WASF1: variants seen among roughly 807,000 people sequenced by gnomAD.
WASF1 encodes the protein WASP family member 1.
Under a neutral mutation model 50.5 loss-of-function variants are expected in WASF1, and 7 were observed. That is an observed-to-expected ratio of 0.14 (90% CI 0.08 to 0.26). WASF1 has a LOEUF of 0.26. WASF1 is among the 10% of genes least tolerant of loss of function. The pLI, the probability that WASF1 is intolerant of heterozygous loss-of-function variation, is 1.00. For synonymous variants in WASF1, 205 were observed against 244.0 expected (o/e 0.84, Z 1.49); for missense variants, 470 against 694.7 (o/e 0.68, Z 3.64).
At chr6:110,129,396 G>T (rs1462782232) in intron 3 of WASF1, among the ~76,000 whole-genome samples, 3 of 152,184 alleles carry the variant, frequency 2.0e-5, no homozygotes, top group Non-Finnish European at 2.9e-5. Flanking sequence ...CTGTGGAAAT[G>T]TTGCCACTGC....
At chr6:110,122,225 T>A (rs1320128222) in intron 4 of WASF1, among the ~76,000 whole-genome samples, 3 of 140,880 alleles carry the variant, frequency 2.1e-5, no homozygotes, top group African/African-American at 8.4e-5. Context: ...TCTCCGATTT[T>A]AAAAAATGGA....
chr6:110,111,131 G>A (rs1162878824), intron 5 of WASF1, among the ~76,000 whole-genome samples: 1 of 151,968 alleles, frequency 6.6e-6, no homozygotes, highest in Admixed American at 6.5e-5. Context: ...ACTAAATGTT[G>A]ATTTTTATTT....
intron 10 of WASF1, among the ~76,000 whole-genome samples, chr6:110,101,145 A>G (rs1773065123): frequency 1.3e-5 from 2 of 152,224 alleles, no homozygotes; most frequent in Admixed American, 1.3e-4. Flanking sequence ...GAATATGAGA[A>G]GTCTTTCCTT....
intron 3 of WASF1, among the ~76,000 whole-genome samples, chr6:110,134,555 G>C (rs577305771): frequency 6.6e-6 from 1 of 152,002 alleles, no homozygotes; most frequent in African/African-American, 2.4e-5. Flanking sequence ...CTCCTGAGTA[G>C]CTAGGATTAC....
At position 110,127,636 on chromosome 6, in the gene WASF1, G is replaced by A. The variant is rs910335908; in HGVS notation, c.-28-7C>T. 2.0e-5 allele frequency: 30 copies of A among 1,475,334 alleles called. No homozygotes were observed. Among genetic ancestry groups the A allele is most frequent in the Non-Finnish European group, 2.7e-5 (30 of 1,113,162 alleles). The allele number at this position is 1,475,334 out of a possible 1,614,324, so 91.4% of individuals were successfully genotyped here. ...AACCTTTGTGCCAGTTCACCTGTAG[G>A]AAATCAAAAATAAATTAACAATATT... On this transcript the variant is annotated splice_polypyrimidine_tract_variant and splice_region_variant and intron_variant, in intron 3 of 10. Coordinates refer to ENST00000392589, the MANE Select transcript of WASF1 (RefSeq NM_003931.3).
At chr6:110,123,382 G>C (rs1032561958) in intron 4 of WASF1, among the ~76,000 whole-genome samples, 2 of 151,996 alleles carry the variant, frequency 1.3e-5, no homozygotes, top group Admixed American at 6.6e-5. Flanking sequence ...CTCTAGTTGT[G>C]TAAGTTCTTA....
At chr6:110,101,326 T>C (rs992332294) in intron 10 of WASF1, among the ~76,000 whole-genome samples, 1 of 152,206 alleles carries the variant, frequency 6.6e-6, no homozygotes, top group African/African-American at 2.4e-5. Flanking sequence ...AACATTTAAG[T>C]CTGATATATT....
chr6:110,101,233 T>C (rs1773070167), intron 10 of WASF1, among the ~76,000 whole-genome samples: 1 of 152,124 alleles, frequency 6.6e-6, no homozygotes, highest in Admixed American at 6.5e-5. Context: ...ATGAACAGCC[T>C]TAACATTGAA....
intron 3 of WASF1, among the ~76,000 whole-genome samples, chr6:110,132,767 ATGAG>A (rs1169263338): frequency 6.6e-6 from 1 of 151,810 alleles, no homozygotes; most frequent in Non-Finnish European, 1.5e-5. Context: ...GCTCCCACTT[ATGAG>A]TGAGAACATA....
rs553081532 is a variant in WASF1, at chr6:110,172,529, G to A, written c.-127+6069C>T. On this transcript the variant is annotated intron_variant, in intron 2 of 10. Coordinates refer to ENST00000392589, the MANE Select transcript of WASF1 (RefSeq NM_003931.3). ...CACTATTCAAAATAGCAAAGATATG[G>A]AATCAACCTAAGTGTCCATCAATGG... Among the ~76,000 whole-genome samples the A allele has an allele frequency of 3.9e-5, 6 of 152,100 alleles. No individual in the cohort carries two copies. The South Asian group carries it at 1.0e-3, about 26-fold the overall frequency.
At chr6:110,167,664 T>C (rs1776534797) in intron 2 of WASF1, among the ~76,000 whole-genome samples, 2 of 152,014 alleles carry the variant, frequency 1.3e-5, no homozygotes, top group Admixed American at 1.3e-4. Flanking sequence ...CATCTATAAC[T>C]TACATGTTTC....
chr6:110,129,233 T>A (rs1012015873), intron 3 of WASF1, among the ~76,000 whole-genome samples: 1 of 152,076 alleles, frequency 6.6e-6, no homozygotes, highest in Admixed American at 6.6e-5. Flanking sequence ...GTGCTAAGTC[T>A]ACATGAAATT....
At chr6:110,121,687 C>T (rs187103046) in intron 4 of WASF1, among the ~76,000 whole-genome samples, 4 of 152,260 alleles carry the variant, frequency 2.6e-5, no homozygotes, top group East Asian at 1.9e-4. Flanking sequence ...TTACTGGGTA[C>T]ATACCCAAAG....
Position 110,113,533 on chromosome 6 carries a change from G to T in WASF1, c.134-73C>A, listed in dbSNP as rs1056819086. On this transcript the variant is annotated intron_variant, in intron 4 of 10. Coordinates refer to ENST00000392589, the MANE Select transcript of WASF1 (RefSeq NM_003931.3). ...TGAGTTTTTATCTTTGCAAGCAGTA[G>T]AAATCTAGCATGATATTTGCCCTCA... is the stretch of plus-strand genomic sequence containing the variant. 3 of 1,346,222 alleles carry T rather than the reference G, an allele frequency of 2.2e-6. No homozygotes were observed. The African/African-American group carries it at 4.4e-5, about 20-fold the overall frequency. 83.4% of individuals were successfully genotyped at this position (1,346,222 alleles called of 1,614,324 possible).
intron 3 of WASF1, among the ~76,000 whole-genome samples, chr6:110,147,236 C>T (rs1327984907): frequency 6.6e-6 from 1 of 151,690 alleles, no homozygotes; most frequent in Non-Finnish European, 1.5e-5. Flanking sequence ...GTCCCAGCTA[C>T]TCGGGAGGCT....
intron 3 of WASF1, among the ~76,000 whole-genome samples, chr6:110,154,165 G>C (rs1396048217): frequency 6.6e-6 from 1 of 152,042 alleles, no homozygotes; most frequent in Non-Finnish European, 1.5e-5. Context: ...AGAGACTTAA[G>C]TCTCTTTTCT....
intron 4 of WASF1, among the ~76,000 whole-genome samples, chr6:110,120,402 A>G (rs1774042336): frequency 6.6e-6 from 1 of 150,972 alleles, no homozygotes; most frequent in Non-Finnish European, 1.5e-5. Context: ...AATAACAGAC[A>G]AACAGCCAAA....
chr6:110,103,263 G>T (rs1164683138), intron 9 of WASF1, 115 bp downstream of exon 9: 1 of 1,084,538 alleles, frequency 9.2e-7, no homozygotes, highest in Non-Finnish European at 1.3e-6. Context: ...GCAGAATTGA[G>T]TACTTGTGAC....
At chr6:110,160,773 T>C (rs1022889102) in intron 2 of WASF1, 41 bp from the exon 3 acceptor site, 3 of 151,758 alleles carry the variant, frequency 2.0e-5, no homozygotes, top group Non-Finnish European at 4.4e-5. Context: ...CAACATTTAT[T>C]ATTCCTTGTT....
Sources: allele counts gnomAD v4.1 joint callset (sites outside exome capture counted in the v4.1 genomes callset), GRCh38; gene constraint gnomAD v4.1.1; transcripts MANE v1.5; gene names NCBI Gene and HGNC (gene_info 2026-07-23, HGNC 2026-07-21).